The following NUP98 variants were observed in gnomAD, a reference collection of about 807,000 sequenced individuals.
The protein encoded by NUP98 is nuclear pore complex protein Nup98-Nup96.
Under a neutral mutation model 191.9 loss-of-function variants are expected in NUP98, and 26 were observed. That is an observed-to-expected ratio of 0.14 (90% CI 0.10 to 0.19). The LOEUF (loss-of-function observed/expected upper bound fraction) is 0.19, where lower values mean the gene tolerates loss of function less well. NUP98 is among the 10% of genes least tolerant of loss of function. The probability of loss-of-function intolerance (pLI) is 1.00; values close to 1 mark genes in which losing one functional copy is unlikely to be tolerated. For synonymous variants in NUP98, 808 were observed against 778.4 expected (o/e 1.04, Z -0.63); for missense variants, 1,941 against 2,178.8 (o/e 0.89, Z 2.17).
chr11:3,752,531 A>T (rs1042576089), intron 11 of NUP98, among the ~76,000 whole-genome samples: 1 of 151,102 alleles, frequency 6.6e-6, no homozygotes, highest in African/African-American at 2.4e-5. Flanking sequence ...ATAAATAAAT[A>T]AATAAATAAA....
intron 22 of NUP98, 110 bp from the exon 23 acceptor site, chr11:3,703,002 A>G (rs947409999): frequency 5.6e-6 from 5 of 896,524 alleles, no homozygotes; most frequent in Admixed American, 2.7e-5. Context: ...TGTTTAATCA[A>G]ACTACTTATA....
At chr11:3,695,992 G>C (rs2078492246) in intron 25 of NUP98, among the ~76,000 whole-genome samples, 1 of 152,088 alleles carries the variant, frequency 6.6e-6, no homozygotes, top group Non-Finnish European at 1.5e-5. Flanking sequence ...ACGAGTTCGA[G>C]ACCAGCCTGA....
At chr11:3,728,518 G>A (rs142297572) in intron 14 of NUP98, among the ~76,000 whole-genome samples, 687 of 152,300 alleles carry the variant, frequency 4.5e-3, no homozygotes, top group African/African-American at 0.016. Flanking sequence ...GGCAGATCTT[G>A]AGGTCAGGAG....
chr11:3,775,446 G>C (rs975797583), intron 5 of NUP98, among the ~76,000 whole-genome samples: 2 of 151,772 alleles, frequency 1.3e-5, no homozygotes, highest in Non-Finnish European at 2.9e-5. Context: ...GGAGGCAGGA[G>C]AATCACTTGA....
At chr11:3,785,920 T>C (rs2082126082) in intron 1 of NUP98, among the ~76,000 whole-genome samples, 1 of 151,994 alleles carries the variant, frequency 6.6e-6, no homozygotes, top group Non-Finnish European at 1.5e-5. Flanking sequence ...ATATCACACT[T>C]GAGCCTTTAT....
rs147447901 is a variant in NUP98 at position 3,691,843 on chromosome 11, C to T, written c.4312-354G>A. ...TGCTGGGATTAGAGGTGTGAATGAC[C>T]GCACCCGGCCTAGATGCCATTATGT... On this transcript the variant is annotated intron_variant, in intron 27 of 32. Transcript: ENST00000324932. Among the ~76,000 whole-genome samples, 127 of 152,104 alleles carry T rather than the reference C, an allele frequency of 8.3e-4. 1 individual carries two copies. Among genetic ancestry groups the T allele is most frequent in the East Asian group, 7.0e-3 (36 of 5,158 alleles).
At chr11:3,762,282 T>C (rs276898) in intron 9 of NUP98, among the ~76,000 whole-genome samples, 1 of 150,720 alleles carries the variant, frequency 6.6e-6, no homozygotes, top group African/African-American at 2.4e-5. Context: ...GCTAGTGGTT[T>C]TTTTTTTTTT....
At chr11:3,764,214 T>C (rs2081266051) in intron 8 of NUP98, among the ~76,000 whole-genome samples, 1 of 152,232 alleles carries the variant, frequency 6.6e-6, no homozygotes, top group African/African-American at 2.4e-5. Context: ...ATGTGGTCTT[T>C]GGTGACGGGC....
chr11:3,684,693 A>G (rs2078084560), intron 29 of NUP98, among the ~76,000 whole-genome samples: 1 of 146,246 alleles, frequency 6.8e-6, no homozygotes, highest in African/African-American at 2.5e-5. Flanking sequence ...ACTATGCTAG[A>G]TGCTTTATAC....
chr11:3,777,845 C>G (rs541422160), intron 4 of NUP98, among the ~76,000 whole-genome samples: 8 of 152,082 alleles, frequency 5.3e-5, no homozygotes, highest in African/African-American at 1.9e-4. Flanking sequence ...CTTCAGACTG[C>G]ATTATATACT....
rs190550216 is a variant in NUP98 at position 3,686,380 on chromosome 11, A to C, written c.4455-186T>G. Among the ~76,000 whole-genome samples, 186 of 152,334 alleles carry C rather than the reference A, an allele frequency of 1.2e-3. 1 individual carries two copies. Among genetic ancestry groups the C allele is most frequent in the Non-Finnish European group, 2.1e-3 (140 of 68,028 alleles). On this transcript the variant is annotated intron_variant, in intron 28 of 32. Coordinates refer to ENST00000324932, the MANE Select transcript of NUP98 (RefSeq NM_016320.5). ...GGTTCAGCCAGACTTTAGATCCTAC[A>C]AAGAAACAAGGCACCTTCTCTTCTA...
chr11:3,743,897 C>T (rs1020373722), intron 12 of NUP98, among the ~76,000 whole-genome samples: 2 of 148,904 alleles, frequency 1.3e-5, no homozygotes, highest in Non-Finnish European at 3.0e-5. Context: ...GCTCAAGATA[C>T]CAAAAAAAAA....
intron 10 of NUP98, among the ~76,000 whole-genome samples, chr11:3,758,361 T>C (rs2081050878): frequency 6.6e-6 from 1 of 151,682 alleles, no homozygotes; most frequent in Non-Finnish European, 1.5e-5. Flanking sequence ...ACAGTCCCAT[T>C]ACAGCAGGTA....
At chr11:3,724,668 C>A (rs1464580758) in intron 15 of NUP98, among the ~76,000 whole-genome samples, 1 of 150,568 alleles carries the variant, frequency 6.6e-6, no homozygotes, top group Non-Finnish European at 1.5e-5. Flanking sequence ...TGGCGGGTGC[C>A]TGTATTCCCA....
At chr11:3,691,558 T>G in intron 27 of NUP98, 69 bp from the exon 28 acceptor site, 1 of 1,504,106 alleles carries the variant, frequency 6.6e-7, no homozygotes, top group Non-Finnish European at 9.1e-7. Flanking sequence ...ATTATGTTTC[T>G]TCTTTTTTTT....
intron 8 of NUP98, among the ~76,000 whole-genome samples, chr11:3,766,247 C>A (rs955658197): frequency 5.3e-5 from 8 of 151,882 alleles, no homozygotes; most frequent in Admixed American, 2.6e-4. Context: ...TGGTGGTGCA[C>A]GCCTGTAGTC....
intron 28 of NUP98, among the ~76,000 whole-genome samples, chr11:3,690,950 C>A (rs1320203682): frequency 1.3e-5 from 2 of 152,068 alleles, no homozygotes; most frequent in Non-Finnish European, 2.9e-5. Context: ...GTATGATCTC[C>A]ACATAAAATT....
intron 2 of NUP98, among the ~76,000 whole-genome samples, chr11:3,780,541 C>CAAAAAAAAAAAA (rs142060672): frequency 1.1e-3 from 81 of 74,652 alleles, no homozygotes; most frequent in Non-Finnish European, 1.3e-3. Context: ...GACTCCATCT[C>CAAAAAAAAAAAA]AAAAAAAAAA....
At chr11:3,693,049 T>G (rs1264814111) in intron 27 of NUP98, 183 bp downstream of exon 27, 6 of 579,818 alleles carry the variant, frequency 1.0e-5, no homozygotes, top group East Asian at 5.6e-5. Flanking sequence ...AAAACAGCAG[T>G]GAGAAAGTCA....
Sources: gnomAD v4.1 joint callset for allele counts (sites outside exome capture counted in the v4.1 genomes callset) on GRCh38, gnomAD v4.1.1 for gene constraint, MANE v1.5 for transcripts, NCBI Gene and HGNC (gene_info 2026-07-23, HGNC 2026-07-21) for gene names.